The following B3GAT1 variants were observed in gnomAD, a reference collection of about 807,000 sequenced individuals.
B3GAT1 encodes the protein galactosylgalactosylxylosylprotein 3-beta-glucuronosyltransferase 1.
In B3GAT1, 11 loss-of-function variants were observed where a neutral mutation model predicts 28.4. The observed-to-expected ratio is 0.39, with a 90% CI of 0.24 to 0.64. The LOEUF (loss-of-function observed/expected upper bound fraction) is 0.64. Ranked by LOEUF, B3GAT1 falls within the 30% of genes least tolerant of loss-of-function variation. B3GAT1 has a pLI of 0.50. For missense variants in B3GAT1, 375 were observed against 491.0 expected, an observed-to-expected ratio of 0.76 and a Z score of 2.23; for synonymous variants, 255 against 223.1, an observed-to-expected ratio of 1.14 and a Z score of -1.27.
intron 2 of B3GAT1, 97 bp downstream of exon 2, chr11:134,387,451 C>T: frequency 6.6e-7 from 1 of 1,506,454 alleles, no homozygotes; most frequent in Non-Finnish European, 9.0e-7. Context: ...TTCCTCCTAG[C>T]TGCTAAGTGA....
chr11:134,405,963 G>A (rs1397404092), intron 1 of B3GAT1, among the ~76,000 whole-genome samples: 4 of 152,206 alleles, frequency 2.6e-5, no homozygotes, highest in Non-Finnish European at 4.4e-5. Flanking sequence ...GGCTTGGGTC[G>A]CTCTGTGGAA....
chr11:134,398,215 A>G (rs1308566483), intron 1 of B3GAT1, among the ~76,000 whole-genome samples: 1 of 152,198 alleles, frequency 6.6e-6, no homozygotes, highest in Non-Finnish European at 1.5e-5. Context: ...GAGTCAGCAC[A>G]CGTGTATTCA....
In B3GAT1 at chr11:134,402,586, C is replaced by A. The variant is rs966315705; in HGVS notation, c.-282+9221G>T. The stretch of plus-strand genomic sequence containing the variant: ...CTCCCTCCTCTGGGGTGTCAGCTAA[C>A]CCCCCTGCCTGAAGAAGAAACAATT... On this transcript the variant is annotated intron_variant, in intron 1 of 5. Coordinates refer to ENST00000312527, the MANE Select transcript of B3GAT1 (RefSeq NM_054025.3). 3.3e-5 allele frequency among the ~76,000 whole-genome samples: 5 copies of A among 152,242 alleles called. No individual in the cohort carries two copies. The Middle Eastern group carries it at 0.01, about 311-fold the overall frequency.
In B3GAT1 at chr11:134,383,666, G is replaced by A. The variant is rs773157060; in HGVS notation, c.621+14C>T. The stretch of plus-strand genomic sequence containing the variant: ...GCCGGAGGTCCCGCTGCTCACTGTC[G>A]GGCCCTCCCTCACCTCTTCGAAGAG... On this transcript the variant is annotated intron_variant, in intron 3 of 5. Coordinates refer to ENST00000312527, the MANE Select transcript of B3GAT1 (RefSeq NM_054025.3). 3.9e-6 allele frequency: 6 copies of A among 1,541,866 alleles called. No individual in the cohort carries two copies. Among genetic ancestry groups the A allele is most frequent in the Middle Eastern group, 1.8e-4 (1 of 5,626 alleles).
intron 2 of B3GAT1, chr11:134,384,656 GC>G: frequency 6.4e-6 from 1 of 157,260 alleles, no homozygotes; most frequent in South Asian, 2.1e-4. Context: ...CACTGCGGCA[GC>G]AACCAGGGCC....
At position 134,403,972 on chromosome 11, in the gene B3GAT1, AG is replaced by A. The variant is rs61583039; in HGVS notation, c.-282+7834del. On this transcript the variant is annotated intron_variant, in intron 1 of 5. Transcript: ENST00000312527. ...AATGGGAGTCATTTAACGGGTACAG[AG>A]TTTCTTTCTTTATATATATATATAT... Among the ~76,000 whole-genome samples the A allele has an allele frequency of 7.5e-3, 588 of 78,586 alleles. 25 individuals carry two copies. Among genetic ancestry groups the A allele is most frequent in the African/African-American group, 0.032 (528 of 16,582 alleles). 51.6% of individuals were successfully genotyped at this position (78,586 alleles called of 152,430 possible). A position where few individuals can be genotyped will look rare whatever the true frequency, so the allele number is the denominator to read the frequency against.
chr11:134,409,791 CTCACTGCCTCTT>C (rs1193578139), intron 1 of B3GAT1: 3 of 152,696 alleles, frequency 2.0e-5, no homozygotes, highest in Non-Finnish European at 4.4e-5. Context: ...TGTCTCTTGT[CTCACTGCCTCTT>C]TCTCTGCCTC....
chr11:134,399,667 T>C (rs1944573766), intron 1 of B3GAT1, among the ~76,000 whole-genome samples: 1 of 152,200 alleles, frequency 6.6e-6, no homozygotes, highest in Non-Finnish European at 1.5e-5. Context: ...CTAGGAGGGC[T>C]GTGACCCTCG....
rs1555098477 is a variant in B3GAT1 at position 134,404,027 on chromosome 11, A to ATATATATATT, written c.-282+7779_-282+7780insAATATATATA. Among the ~76,000 whole-genome samples, 62 of 106,748 alleles carry ATATATATATT rather than the reference A, an allele frequency of 5.8e-4. 1 individual carries two copies. The highest frequency in any genetic ancestry group is 9.4e-4 in the Non-Finnish European group (50 of 52,930). 70.0% of individuals were successfully genotyped at this position (106,748 alleles called of 152,430 possible). ...TATATATATATATATATATATATAT[A>ATATATATATT]TATTTATTATACGTTAAGTTCTAGG... On this transcript the variant is annotated intron_variant, in intron 1 of 5. Transcript: ENST00000312527.
chr11:134,392,634 G>C (rs1341257220), intron 1 of B3GAT1, among the ~76,000 whole-genome samples: 1 of 152,200 alleles, frequency 6.6e-6, no homozygotes. Flanking sequence ...GCTTCCCAAA[G>C]TGCTGAGATT....
chr11:134,403,983 T>TTTTATA (rs531926951), intron 1 of B3GAT1, among the ~76,000 whole-genome samples: 2 of 40,678 alleles, frequency 4.9e-5, no homozygotes, highest in African/African-American at 2.5e-4. Flanking sequence ...GTTTCTTTCT[T>TTTTATA]TATATATATA....
In B3GAT1 at chr11:134,394,746, G is replaced by T. The variant is rs564523502; in HGVS notation, c.-281-6806C>A. On this transcript the variant is annotated intron_variant, in intron 1 of 5. Coordinates refer to ENST00000312527, the MANE Select transcript of B3GAT1 (RefSeq NM_054025.3). ...TGAATTCCAGAGCTCAAACCATCTTGTTCCCTTCTAACTGGGAAAACCCAG... is the reference window on the plus strand; with the variant it reads ...TGAATTCCAGAGCTCAAACCATCTTTTTCCCTTCTAACTGGGAAAACCCAG... Among the ~76,000 whole-genome samples the T allele has an allele frequency of 5.9e-5, 9 of 152,346 alleles. No homozygotes were observed. The East Asian group carries it at 1.7e-3, about 29-fold the overall frequency.
At chr11:134,400,866 C>T (rs759236219) in intron 1 of B3GAT1, among the ~76,000 whole-genome samples, 2 of 152,158 alleles carry the variant, frequency 1.3e-5, no homozygotes, top group Non-Finnish European at 2.9e-5. Context: ...GGTCTAACAT[C>T]CAGAACCTAC....
In B3GAT1 at chr11:134,384,049, G is replaced by A. The variant is rs773881365; in HGVS notation, c.252C>T (p.Pro84=). 1.2e-4 allele frequency: 185 copies of A among 1,605,268 alleles called. No individual in the cohort carries two copies. The highest frequency in any genetic ancestry group is 1.5e-4 in the Non-Finnish European group (177 of 1,178,970). Reference sequence around the variant, plus strand: ...AGGTGGGCGTCACCACGTGGATGGTGGGCAGCGTGTCGGACCATGGCGGGG... The same window carrying A: ...AGGTGGGCGTCACCACGTGGATGGTAGGCAGCGTGTCGGACCATGGCGGGG... ...TRPPPWSDTL[P]TIHVVTPTYS... The change falls in exon 3 of 6, where the codon CCC becomes CCT. Residue 84 remains proline (P), a synonymous_variant. Coordinates refer to ENST00000312527, the MANE Select transcript of B3GAT1 (RefSeq NM_054025.3).
chr11:134,382,127 C>G, intron 4 of B3GAT1, 103 bp from the exon 5 acceptor site: 1 of 891,236 alleles, frequency 1.1e-6, no homozygotes. Context: ...CCTGCCCCTC[C>G]TTTTCCTTCG....
chr11:134,408,884 CCGATTCCAGTGGGG>C (rs1944791782), intron 1 of B3GAT1, among the ~76,000 whole-genome samples: 1 of 134,958 alleles, frequency 7.4e-6, no homozygotes, highest in African/African-American at 3.1e-5. Context: ...ACAGCCTGCA[CCGATTCCAGTGGGG>C]TGAGGAGGGA....
chr11:134,383,791 G>A lies in B3GAT1; in HGVS notation c.510C>T (p.Arg170=), dbSNP rs1363506670. 1.3e-5 allele frequency: 20 copies of A among 1,597,514 alleles called. No individual in the cohort carries two copies. Among genetic ancestry groups the A allele is most frequent in the Non-Finnish European group, 1.6e-5 (19 of 1,172,634 alleles). Reference sequence around the variant, plus strand: ...CGCGCAGCCAGCGCAGGGCCAGGTTGCGCTGCATGGTGCCCCGCGGGATGC... The same window carrying A: ...CGCGCAGCCAGCGCAGGGCCAGGTTACGCTGCATGGTGCCCCGCGGGATGC... ...DPRIPRGTMQ[R]NLALRWLRET... Residue 170 remains arginine (R), a synonymous_variant, in exon 3 of 6, where the codon CGC becomes CGT. Coordinates refer to ENST00000312527, the MANE Select transcript of B3GAT1 (RefSeq NM_054025.3).
chr11:134,382,122 C>T (rs1167085220), intron 4 of B3GAT1, 98 bp from the exon 5 acceptor site: 7 of 907,966 alleles, frequency 7.7e-6, no homozygotes, highest in Non-Finnish European at 1.2e-5. Context: ...TTTCTCCTGC[C>T]CCTCCTTTTC....
At chr11:134,383,624 C>T in intron 3 of B3GAT1, 56 bp downstream of exon 3, 2 of 1,459,212 alleles carry the variant, frequency 1.4e-6, no homozygotes, top group Non-Finnish European at 1.8e-6. Context: ...TCTCGGGAAG[C>T]CCCTCCACTC....
Sources: allele counts gnomAD v4.1 joint callset (sites outside exome capture counted in the v4.1 genomes callset), GRCh38; gene constraint gnomAD v4.1.1; transcripts MANE v1.5; gene names NCBI Gene and HGNC (gene_info 2026-07-23, HGNC 2026-07-21).